The following NME8 variants were observed in gnomAD, a reference collection of about 807,000 sequenced individuals.
NME8 encodes protein NME8.
A neutral mutation model predicts 82.3 loss-of-function variants in NME8; 72 were observed. The ratio of observed to expected loss-of-function variants is 0.87; its 90% CI spans 0.72 to 1.06. NME8 has a LOEUF of 1.06. Among genes scored for constraint, NME8 ranks in the 50% least tolerant of loss-of-function variants. The pLI is 0.00. For missense variants in NME8, 712 were observed against 685.4 expected, an observed-to-expected ratio of 1.04 and a Z score of -0.43; for synonymous variants, 267 against 228.5, an observed-to-expected ratio of 1.17 and a Z score of -1.52.
chr7:37,894,836 C>T (rs1785196097), intron 16 of NME8, among the ~76,000 whole-genome samples: 1 of 151,296 alleles, frequency 6.6e-6, no homozygotes. Context: ...TTCATTCTTT[C>T]TTCCTTCCTA....
intron 12 of NME8, among the ~76,000 whole-genome samples, chr7:37,882,657 G>A (rs544640627): frequency 0.011 from 1,625 of 146,006 alleles, 25 homozygotes; most frequent in African/African-American, 0.023. Flanking sequence ...AAGAAAGAAA[G>A]AGAAAGAAAG....
chr7:37,884,443 A>G lies in NME8; in HGVS notation c.1135A>G (p.Thr379Ala). The change falls in exon 13 of 18, where the codon ACC becomes GCC. Residue 379 changes from threonine (T) to alanine (A), a missense_variant. Coordinates refer to ENST00000199447, the MANE Select transcript of NME8 (RefSeq NM_016616.5). ...TTTTAATAAACTTATAGAAAACATG[A>G]CCAGGTAGAATCCAGGTTGAGAAAA... is the stretch of plus-strand genomic sequence containing the variant. The part of the protein sequence containing the change: ...DYFNKLIENM[T>A]SGPSLALVLL... 3 of 1,610,390 alleles carry G rather than the reference A, an allele frequency of 1.9e-6. No individual in the cohort carries two copies. Among genetic ancestry groups the G allele is most frequent in the Non-Finnish European group, 2.5e-6 (3 of 1,176,962 alleles).
chr7:37,884,092 A>G (rs1391473419), intron 12 of NME8, among the ~76,000 whole-genome samples: 1 of 152,160 alleles, frequency 6.6e-6, no homozygotes, highest in East Asian at 1.9e-4. Context: ...CATGATTCCT[A>G]TACGATGAAA....
At chr7:37,855,189 G>A (rs1002871729) in intron 5 of NME8, among the ~76,000 whole-genome samples, 11 of 152,112 alleles carry the variant, frequency 7.2e-5, no homozygotes, top group African/African-American at 2.7e-4. Flanking sequence ...GTGACCAGGG[G>A]CATTTTCCAA....
rs1385495555 is a variant in NME8, at chr7:37,882,619, GAA to G, written c.995-1682_995-1681del. Reference sequence around the variant, plus strand: ...AGAAAGAGAGAGAGAGAGAGAGAAAGAAAGAAAGAAAGAAAGAAAGAAAGAGA... The same window carrying G: ...AGAAAGAGAGAGAGAGAGAGAGAAAGAGAAAGAAAGAAAGAAAGAAAGAGA... On this transcript the variant is annotated intron_variant, in intron 12 of 17. Coordinates refer to ENST00000199447, the MANE Select transcript of NME8 (RefSeq NM_016616.5). Among the ~76,000 whole-genome samples the G allele has an allele frequency of 3.9e-3, 337 of 86,732 alleles. 4 individuals are homozygous for G. Among genetic ancestry groups the G allele is most frequent in the East Asian group, 0.014 (39 of 2,790 alleles). The allele number at this position is 86,732 out of a possible 152,430, so 56.9% of individuals were successfully genotyped here. A position where few individuals can be genotyped will look rare whatever the true frequency, so the allele number is the denominator to read the frequency against.
At position 37,856,688 on chromosome 7, in the gene NME8, A is replaced by C. The variant is rs144252944; in HGVS notation, c.199-586A>C. ...AATATTAAGAAAATTACAGACATAAAATTCAAAATCTTTAAAAGTTGACTA... is the reference window on the plus strand; with the variant it reads ...AATATTAAGAAAATTACAGACATAACATTCAAAATCTTTAAAAGTTGACTA... On this transcript the variant is annotated intron_variant, in intron 5 of 17. Transcript: ENST00000199447. Among the ~76,000 whole-genome samples the C allele has an allele frequency of 1.2e-4, 19 of 152,342 alleles. No individual in the cohort carries two copies. In the East Asian group the frequency reaches 3.7e-3, roughly 29 times the overall value.
chr7:37,881,893 T>C (rs1784952047), intron 12 of NME8, among the ~76,000 whole-genome samples: 1 of 152,212 alleles, frequency 6.6e-6, no homozygotes. Flanking sequence ...TATTTAATAT[T>C]CAGTGTATTT....
chr7:37,884,187 A>G, intron 12 of NME8, 116 bp from the exon 13 acceptor site: 3 of 757,216 alleles, frequency 4.0e-6, no homozygotes, highest in Non-Finnish European at 4.5e-6. Flanking sequence ...GCAAACTTTC[A>G]AAATTTCGTA....
At chr7:37,885,279 C>A in intron 14 of NME8, 27 bp downstream of exon 14, 2 of 1,384,760 alleles carry the variant, frequency 1.4e-6, no homozygotes, top group Non-Finnish European at 2.1e-6. Flanking sequence ...GGGTCACTAT[C>A]TGTTTTCGTG....
At chr7:37,897,129 AT>A in intron 17 of NME8, 22 bp downstream of exon 17, 1 of 1,385,700 alleles carries the variant, frequency 7.2e-7, no homozygotes, top group Non-Finnish European at 1.0e-6. Context: ...TTTAATTATT[AT>A]TTTATTTTAT....
At chr7:37,850,477 C>A in intron 4 of NME8, 42 bp downstream of exon 4, 2 of 1,607,188 alleles carry the variant, frequency 1.2e-6, no homozygotes, top group Non-Finnish European at 1.7e-6. Context: ...GGGGTTTGAC[C>A]CGGAGCTCCT....
intron 5 of NME8, among the ~76,000 whole-genome samples, chr7:37,855,151 C>T (rs1784493322): frequency 6.6e-6 from 1 of 152,072 alleles, no homozygotes; most frequent in South Asian, 2.1e-4. Context: ...ATTTTGAGAC[C>T]TTTGATGTCG....
intron 6 of NME8, among the ~76,000 whole-genome samples, chr7:37,860,684 C>T (rs1784585909): frequency 6.6e-6 from 1 of 152,174 alleles, no homozygotes; most frequent in Non-Finnish European, 1.5e-5. Context: ...ATCACGTTTA[C>T]ATCTTCAGCT....
Position 37,882,585 on chromosome 7 carries a change from AAG to A in NME8, c.995-1716_995-1715del, listed in dbSNP as rs1271829579. 1.8e-3 allele frequency among the ~76,000 whole-genome samples: 99 copies of A among 55,098 alleles called. 1 individual carries two copies. The highest frequency in any genetic ancestry group is 6.7e-3 in the African/African-American group (96 of 14,352). 36.1% of individuals were successfully genotyped at this position (55,098 alleles called of 152,430 possible). ...AAAGAAAGAAAGAAAGAAAGAAAGA[AAG>A]AAAGAAAGAAAGAGAGAGAGAGAGA... On this transcript the variant is annotated intron_variant, in intron 12 of 17. Coordinates refer to ENST00000199447, the MANE Select transcript of NME8 (RefSeq NM_016616.5).
At chr7:37,888,239 T>C (rs772563164) in intron 14 of NME8, 38 bp from the exon 15 acceptor site, 1 of 1,600,768 alleles carries the variant, frequency 6.2e-7, no homozygotes, top group South Asian at 1.1e-5. Context: ...TATTCTGTTC[T>C]GTTCTAATAG....
chr7:37,852,471 A>C (rs1784451732), intron 5 of NME8, among the ~76,000 whole-genome samples: 1 of 152,136 alleles, frequency 6.6e-6, no homozygotes, highest in Non-Finnish European at 1.5e-5. Context: ...GTATAGTTTC[A>C]TTCCCAGCAA....
intron 11 of NME8, among the ~76,000 whole-genome samples, chr7:37,874,625 C>T (rs78968464): frequency 6.6e-6 from 1 of 151,632 alleles, no homozygotes; most frequent in African/African-American, 2.4e-5. Context: ...AAGAAGAAAC[C>T]TCAATTTAAA....
chr7:37,886,287 G>A (rs1374529304), intron 14 of NME8, among the ~76,000 whole-genome samples: 1 of 152,168 alleles, frequency 6.6e-6, no homozygotes, highest in African/African-American at 2.4e-5. Flanking sequence ...ATCAACACAA[G>A]GCCTGTGCCA....
intron 11 of NME8, among the ~76,000 whole-genome samples, chr7:37,869,504 T>C (rs1454609033): frequency 6.6e-6 from 1 of 152,162 alleles, no homozygotes. Flanking sequence ...TAAACCTCCA[T>C]TACAACCAAC....
Sources: gnomAD v4.1 joint callset for allele counts (sites outside exome capture counted in the v4.1 genomes callset) on GRCh38, gnomAD v4.1.1 for gene constraint, MANE v1.5 for transcripts, NCBI Gene and HGNC (gene_info 2026-07-23, HGNC 2026-07-21) for gene names.